KIRREL3: variants seen among roughly 807,000 people sequenced by gnomAD.
KIRREL3 encodes the protein kin of IRRE-like protein 3.
KIRREL3 carries 36 observed loss-of-function variants against 89.7 expected under a neutral mutation model. The observed-to-expected ratio is 0.40, with a 90% CI of 0.31 to 0.53. The LOEUF (loss-of-function observed/expected upper bound fraction) is 0.53. Ranked by LOEUF, KIRREL3 falls within the 20% of genes least tolerant of loss-of-function variation. KIRREL3 has a pLI of 0.49. For missense variants in KIRREL3, 864 were observed against 1,056.6 expected, an observed-to-expected ratio of 0.82 and a Z score of 2.53; for synonymous variants, 445 against 441.4, an observed-to-expected ratio of 1.01 and a Z score of -0.10.
In KIRREL3 at chr11:126,697,825, C is replaced by T. The variant is rs1947160786; in HGVS notation, c.56-134913G>A. On this transcript the variant is annotated intron_variant, in intron 1 of 16. Coordinates refer to ENST00000525144, the MANE Select transcript of KIRREL3 (RefSeq NM_032531.4). The surrounding 1 kb of genome is among the most constrained non-coding windows in gnomAD (Gnocchi z 4.2). ...TCCTACTCAGACCACAAACAAGCAG[C>T]CCTGCTCTTGACAGTCATCTGAGGA... is the stretch of plus-strand genomic sequence containing the variant. Among the ~76,000 whole-genome samples, 2 of 152,146 alleles carry T rather than the reference C, an allele frequency of 1.3e-5. No homozygotes were observed. The highest frequency in any genetic ancestry group is 2.9e-5 in the Non-Finnish European group (2 of 68,032).
At position 126,647,046 on chromosome 11, in the gene KIRREL3, T is replaced by C. The variant is rs1215172261; in HGVS notation, c.56-84134A>G. On this transcript the variant is annotated intron_variant, in intron 1 of 16. Transcript: ENST00000525144. This position sits in a 1 kb window ranked among gnomAD's most constrained non-coding sequence, Gnocchi z 4.9. ...TCCTACAGCAATTTAGTAATGATGA[T>C]GACACTTAAGCATTTAGAAAGTATT... 6.6e-6 allele frequency among the ~76,000 whole-genome samples: 1 copy of C among 152,258 alleles called. No individual in the cohort carries two copies. The highest frequency in any genetic ancestry group is 2.4e-5 in the African/African-American group (1 of 41,466).
In KIRREL3 at chr11:126,807,640, T is replaced by C. The variant is rs1260049565; in HGVS notation, c.55+192815A>G. On this transcript the variant is annotated intron_variant, in intron 1 of 16. Transcript: ENST00000525144. This position sits in a 1 kb window ranked among gnomAD's most constrained non-coding sequence, Gnocchi z 4.3. Reference sequence around the variant, plus strand: ...TTCCCCATCTCCATGCCTTTAAACTTGTCACAGTTCCTGCCTGGAGTGCTT... The same window carrying C: ...TTCCCCATCTCCATGCCTTTAAACTCGTCACAGTTCCTGCCTGGAGTGCTT... 1.3e-5 allele frequency among the ~76,000 whole-genome samples: 2 copies of C among 152,170 alleles called. No individual in the cohort carries two copies. Among genetic ancestry groups the C allele is most frequent in the African/African-American group, 4.8e-5 (2 of 41,456 alleles).
At chr11:126,595,521 G>A (rs1007847363) in intron 1 of KIRREL3, among the ~76,000 whole-genome samples, 2 of 152,236 alleles carry the variant, frequency 1.3e-5, no homozygotes, top group Admixed American at 6.5e-5. Context: ...AGTTTACCAA[G>A]TGTTTACCTG....
rs1255848090 is a variant in KIRREL3, at chr11:126,705,266, G to A, written c.56-142354C>T. Among the ~76,000 whole-genome samples the A allele has an allele frequency of 6.6e-6, 1 of 152,300 alleles. No homozygotes were observed. Among genetic ancestry groups the A allele is most frequent in the South Asian group, 2.1e-4 (1 of 4,826 alleles). ...GAGGTTTGTCCTCTTCAAATCTCAT[G>A]TTGAAATGTGATCCCCAGTATTGAA... is the stretch of plus-strand genomic sequence containing the variant. On this transcript the variant is annotated intron_variant, in intron 1 of 16. Transcript: ENST00000525144. This position sits in a 1 kb window ranked among gnomAD's most constrained non-coding sequence, Gnocchi z 4.3.
chr11:126,795,517 G>A lies in KIRREL3; in HGVS notation c.55+204938C>T, dbSNP rs1201180738. 6.6e-6 allele frequency among the ~76,000 whole-genome samples: 1 copy of A among 152,028 alleles called. No individual in the cohort carries two copies. The highest frequency in any genetic ancestry group is 1.5e-5 in the Non-Finnish European group (1 of 68,004). On this transcript the variant is annotated intron_variant, in intron 1 of 16. Transcript: ENST00000525144. The surrounding 1 kb of genome is among the most constrained non-coding windows in gnomAD (Gnocchi z 4.1). ...CCTGAGCAGCTAGGACTACAGGCGT[G>A]TGCCACCACACCTGGCTAATTTTTT... is the stretch of plus-strand genomic sequence containing the variant.
rs1957553153 is a variant in KIRREL3, at chr11:126,492,635, T to A, written c.434-19169A>T. Among the ~76,000 whole-genome samples the A allele has an allele frequency of 6.6e-6, 1 of 152,094 alleles. No homozygotes were observed. Among genetic ancestry groups the A allele is most frequent in the African/African-American group, 2.4e-5 (1 of 41,420 alleles). On this transcript the variant is annotated intron_variant, in intron 4 of 16. Transcript: ENST00000525144. This position sits in a 1 kb window ranked among gnomAD's most constrained non-coding sequence, Gnocchi z 4.8. ...GGAGGGGAACAGCCACCAGGCCATT[T>A]TTATGACTTCCTATCAAACTTTGAT...
At chr11:126,600,228 C>A (rs1357276644) in intron 1 of KIRREL3, among the ~76,000 whole-genome samples, 1 of 152,172 alleles carries the variant, frequency 6.6e-6, no homozygotes, top group East Asian at 1.9e-4. Flanking sequence ...GGAATTGAAT[C>A]CAACTGACAA....
At position 126,924,653 on chromosome 11, in the gene KIRREL3, A is replaced by T. The variant is rs1947622813; in HGVS notation, c.55+75802T>A. On this transcript the variant is annotated intron_variant, in intron 1 of 16. Coordinates refer to ENST00000525144, the MANE Select transcript of KIRREL3 (RefSeq NM_032531.4). The surrounding 1 kb of genome is among the most constrained non-coding windows in gnomAD (Gnocchi z 4.7). Reference sequence around the variant, plus strand: ...GGGGGATTTGGAAGAAGTGTTAAAGAAAAAGGAGCAGCTTTGCTCTATTAA... The same window carrying T: ...GGGGGATTTGGAAGAAGTGTTAAAGTAAAAGGAGCAGCTTTGCTCTATTAA... Among the ~76,000 whole-genome samples, 1 of 152,138 alleles carries T rather than the reference A, an allele frequency of 6.6e-6. No homozygotes were observed. Among genetic ancestry groups the T allele is most frequent in the Non-Finnish European group, 1.5e-5 (1 of 68,020 alleles).
chr11:126,775,170 A>G (rs1950135203), intron 1 of KIRREL3, among the ~76,000 whole-genome samples: 1 of 152,116 alleles, frequency 6.6e-6, no homozygotes, highest in Non-Finnish European at 1.5e-5. Context: ...TTCACCTCCC[A>G]GTTTATCTGT....
chr11:126,874,379 C>A (rs536780950), intron 1 of KIRREL3, among the ~76,000 whole-genome samples: 14 of 152,278 alleles, frequency 9.2e-5, no homozygotes, highest in African/African-American at 3.4e-4. Context: ...GAGAGCCTTG[C>A]AACAAGAGGC....
intron 1 of KIRREL3, among the ~76,000 whole-genome samples, chr11:126,711,953 G>A (rs1454814538): frequency 6.6e-6 from 1 of 152,192 alleles, no homozygotes; most frequent in Non-Finnish European, 1.5e-5. Context: ...ACACTCCATT[G>A]GAAACGCCTC....
chr11:126,522,247 CAG>C lies in KIRREL3; in HGVS notation c.284-785_284-784del, dbSNP rs1229576415. 1.3e-5 allele frequency among the ~76,000 whole-genome samples: 2 copies of C among 152,062 alleles called. No individual in the cohort carries two copies. Among genetic ancestry groups the C allele is most frequent in the Admixed American group, 1.3e-4 (2 of 15,276 alleles). ...GAGGAGAGAGAGAGAGACAGACAGA[CAG>C]AGAGACCCAGGCTGAGAATTACAGA... On this transcript the variant is annotated intron_variant, in intron 3 of 16. Transcript: ENST00000525144. The surrounding 1 kb of genome is among the most constrained non-coding windows in gnomAD (Gnocchi z 6.0).
At position 126,703,905 on chromosome 11, in the gene KIRREL3, C is replaced by T. The variant is rs1269887748; in HGVS notation, c.56-140993G>A. ...GTGCTGGCAGCGGTTATGCTGGGGA[C>T]ATCTACATACCTTGCATTCCTCCCC... On this transcript the variant is annotated intron_variant, in intron 1 of 16. Transcript: ENST00000525144. The surrounding 1 kb of genome is among the most constrained non-coding windows in gnomAD (Gnocchi z 4.6). Among the ~76,000 whole-genome samples the T allele has an allele frequency of 2.0e-5, 3 of 151,830 alleles. No individual in the cohort carries two copies.
intron 1 of KIRREL3, among the ~76,000 whole-genome samples, chr11:126,986,182 T>C (rs1949861910): frequency 6.6e-6 from 1 of 152,160 alleles, no homozygotes; most frequent in African/African-American, 2.4e-5. Context: ...GCTGGGTTCA[T>C]CAGCTCATGC....
intron 1 of KIRREL3, among the ~76,000 whole-genome samples, chr11:126,963,723 A>C (rs1949171465): frequency 6.6e-6 from 1 of 152,136 alleles, no homozygotes; most frequent in East Asian, 1.9e-4. Flanking sequence ...CACTTATGAA[A>C]TGTGTTTCTT....
At chr11:126,468,266 G>A (rs1956787314) in intron 5 of KIRREL3, among the ~76,000 whole-genome samples, 1 of 152,224 alleles carries the variant, frequency 6.6e-6, no homozygotes, top group South Asian at 2.1e-4. Flanking sequence ...TCAGAAGTAT[G>A]AGGAACAGGG....
chr11:126,986,649 T>C (rs1428064971), intron 1 of KIRREL3, among the ~76,000 whole-genome samples: 2 of 152,174 alleles, frequency 1.3e-5, no homozygotes, highest in Non-Finnish European at 2.9e-5. Flanking sequence ...TTCTTTCCAG[T>C]TGTGAGAGGA....
rs1445894498 is a variant in KIRREL3, at chr11:126,904,972, T to C, written c.55+95483A>G. ...GATGATGATGATGATGATACAGAAATAGTGTGTAAAAAAATTCATCTTCAG... is the reference window on the plus strand; with the variant it reads ...GATGATGATGATGATGATACAGAAACAGTGTGTAAAAAAATTCATCTTCAG... On this transcript the variant is annotated intron_variant, in intron 1 of 16. Coordinates refer to ENST00000525144, the MANE Select transcript of KIRREL3 (RefSeq NM_032531.4). The surrounding 1 kb of genome is among the most constrained non-coding windows in gnomAD (Gnocchi z 4.4). 1.3e-5 allele frequency among the ~76,000 whole-genome samples: 2 copies of C among 151,946 alleles called. No individual in the cohort carries two copies. The highest frequency in any genetic ancestry group is 6.6e-5 in the Admixed American group (1 of 15,260).
In KIRREL3 at chr11:126,652,546, A is replaced by T. The variant is rs1447001806; in HGVS notation, c.56-89634T>A. 6.6e-6 allele frequency among the ~76,000 whole-genome samples: 1 copy of T among 152,134 alleles called. No homozygotes were observed. The highest frequency in any genetic ancestry group is 1.5e-5 in the Non-Finnish European group (1 of 68,036). ...CACAGGTCAGGGGGCTGTGGACAAG[A>T]GGTCAGGCCATTTGCCAAAGTCCTC... On this transcript the variant is annotated intron_variant, in intron 1 of 16. Coordinates refer to ENST00000525144, the MANE Select transcript of KIRREL3 (RefSeq NM_032531.4). The surrounding 1 kb of genome is among the most constrained non-coding windows in gnomAD (Gnocchi z 4.9).
Sources: allele counts gnomAD v4.1 joint callset (sites outside exome capture counted in the v4.1 genomes callset), GRCh38; gene constraint gnomAD v4.1.1; non-coding constraint Gnocchi (gnomAD v3.1); transcripts MANE v1.5; gene names NCBI Gene and HGNC (gene_info 2026-07-23, HGNC 2026-07-21).